Variants in CD163L1 observed in about 807,000 individuals in gnomAD.
CD163L1 encodes the protein CD163 molecule like 1.
Under a neutral mutation model 165.4 loss-of-function variants are expected in CD163L1, and 124 were observed. That is an observed-to-expected ratio of 0.75 (90% CI 0.65 to 0.87). The LOEUF is 0.87. CD163L1 is among the 40% of genes least tolerant of loss of function. The probability of loss-of-function intolerance (pLI) is 0.00; values close to 1 mark genes in which losing one functional copy is unlikely to be tolerated. For missense variants in CD163L1, 1,525 were observed against 1,799.9 expected (o/e 0.85, Z 2.76); for synonymous variants, 585 against 662.2 (o/e 0.88, Z 1.79).
chr12:7,439,072 A>T, intron 2 of CD163L1: 1 of 1,583,382 alleles, frequency 6.3e-7, no homozygotes. Context: ...TCTCAAAGCC[A>T]TGCTCCAGCC....
rs116397831 is a variant in CD163L1 at position 7,407,565 on chromosome 12, T to A, written c.767-713A>T. ...ACTTAGCAAAATTGACCACTACGTA[T>A]ATGTATCATATGTAGTGGTCAATTT... On this transcript the variant is annotated intron_variant, in intron 4 of 19. Coordinates refer to ENST00000313599, the MANE Select transcript of CD163L1 (RefSeq NM_174941.6). Among the ~76,000 whole-genome samples, 428 of 151,394 alleles carry A rather than the reference T, an allele frequency of 2.8e-3. 2 individuals carry two copies. The highest frequency in any genetic ancestry group is 9.8e-3 in the African/African-American group (407 of 41,340).
intron 4 of CD163L1, among the ~76,000 whole-genome samples, chr12:7,427,642 T>C (rs1249984457): frequency 6.6e-6 from 1 of 152,106 alleles, no homozygotes; most frequent in Non-Finnish European, 1.5e-5. Flanking sequence ...TACAGCTTTT[T>C]ACATGTCCAA....
intron 8 of CD163L1, among the ~76,000 whole-genome samples, chr12:7,391,683 C>G (rs1947656574): frequency 6.6e-6 from 1 of 152,092 alleles, no homozygotes; most frequent in African/African-American, 2.4e-5. Context: ...GGAGACCCAT[C>G]ACCTTCAGAG....
Position 7,373,449 on chromosome 12 carries a change from C to T in CD163L1, c.3601G>A (p.Gly1201Ser). 6.2e-7 allele frequency: 1 copy of T among 1,614,200 alleles called. No homozygotes were observed. The change falls in exon 14 of 20, where the codon GGC becomes AGC. Residue 1201 changes from glycine (G) to serine (S), a missense_variant. Gly to Ser is a moderately conservative substitution (Grantham distance 56). Coordinates refer to ENST00000313599, the MANE Select transcript of CD163L1 (RefSeq NM_174941.6). The part of the protein sequence containing the change: ...VVSLAPLSKT[G>S]SGFMWVDDIQ... ...TCATCCACCCACATGAAACCAGAGC[C>T]TGTCTTAGATAAAGGGGCGAGGCTG...
chr12:7,366,714 G>A (rs1947027902), intron 18 of CD163L1, among the ~76,000 whole-genome samples: 1 of 152,038 alleles, frequency 6.6e-6, no homozygotes, highest in African/African-American at 2.4e-5. Context: ...GCCAGATGGT[G>A]TTCATTGTAT....
intron 4 of CD163L1, among the ~76,000 whole-genome samples, chr12:7,430,014 C>T (rs751925375): frequency 6.6e-6 from 1 of 152,108 alleles, no homozygotes; most frequent in Non-Finnish European, 1.5e-5. Flanking sequence ...CCCTTGGAGG[C>T]CACCAAGTCC....
At chr12:7,433,786 T>C in intron 2 of CD163L1, 92 bp from the exon 3 acceptor site, 3 of 928,938 alleles carry the variant, frequency 3.2e-6, no homozygotes, top group Non-Finnish European at 4.8e-6. Flanking sequence ...ATCATTTAGT[T>C]TAAATGTTGT....
intron 4 of CD163L1, among the ~76,000 whole-genome samples, chr12:7,426,111 A>T (rs1477144810): frequency 6.6e-6 from 1 of 152,234 alleles, no homozygotes; most frequent in Non-Finnish European, 1.5e-5. Flanking sequence ...CTATGCAGCC[A>T]TAAAAAAGAA....
chr12:7,368,950 G>T lies in CD163L1; in HGVS notation c.4055C>A (p.Ser1352Ter). The change falls in exon 16 of 20, where the codon TCA becomes TAA. Residue 1352 changes from serine (S) to a stop codon, truncating the protein, a stop_gained. Coordinates refer to ENST00000313599, the MANE Select transcript of CD163L1 (RefSeq NM_174941.6). LOFTEE classifies it high-confidence loss of function. This position sits in a 1 kb window ranked among gnomAD's most constrained non-coding sequence, Gnocchi z 4.3. ...GACTATACCTGAGGAGGCATTCAGTGATTTCAGCGACTGTCCTGAGAGAGA... is the reference window on the plus strand; with the variant it reads ...GACTATACCTGAGGAGGCATTCAGTTATTTCAGCGACTGTCCTGAGAGAGA... ...GVRCSGQSLK[S>*]LNASSGHLAL... 1 of 1,613,518 alleles carries T rather than the reference G, an allele frequency of 6.2e-7. No homozygotes were observed. The highest frequency in any genetic ancestry group is 8.5e-7 in the Non-Finnish European group (1 of 1,179,852).
At chr12:7,319,584 C>G in the CD163L1 span, among the ~76,000 whole-genome samples, 13 of 144,934 alleles carry the variant, frequency 9.0e-5, no homozygotes, top group African/African-American at 3.3e-4. Flanking sequence ...AGCAAGACTC[C>G]GTCTCAAAAA....
intron 4 of CD163L1, among the ~76,000 whole-genome samples, chr12:7,428,590 C>T (rs1948582069): frequency 6.6e-6 from 1 of 152,050 alleles, no homozygotes; most frequent in Non-Finnish European, 1.5e-5. Context: ...AGCTTCTGGA[C>T]TAAAGCCCCG....
At chr12:7,324,863 A>G in the CD163L1 span, among the ~76,000 whole-genome samples, 1 of 152,048 alleles carries the variant, frequency 6.6e-6, no homozygotes, top group African/African-American at 2.4e-5. Context: ...TGGCTCATAT[A>G]AGTGACAAGT....
the CD163L1 span, among the ~76,000 whole-genome samples, chr12:7,326,503 C>T: frequency 6.6e-6 from 1 of 152,176 alleles, no homozygotes; most frequent in African/African-American, 2.4e-5. Context: ...AGCCACCATG[C>T]TCAGCCCTTT....
intron 8 of CD163L1, among the ~76,000 whole-genome samples, chr12:7,383,445 C>G (rs2136455901): frequency 6.6e-6 from 1 of 152,290 alleles, no homozygotes; most frequent in Admixed American, 6.5e-5. Flanking sequence ...AACTTTCCCA[C>G]CTGCCTAACT....
At chr12:7,421,429 G>A (rs1350538870) in intron 4 of CD163L1, among the ~76,000 whole-genome samples, 7 of 99,966 alleles carry the variant, frequency 7.0e-5, no homozygotes, top group Non-Finnish European at 1.1e-4. Flanking sequence ...ATACATATAT[G>A]TACATATATA....
In CD163L1 at chr12:7,403,744, T is replaced by A. The variant is rs1947958899; in HGVS notation, c.1199A>T (p.Asn400Ile). The change falls in exon 6 of 20, where the codon AAT becomes ATT. Residue 400 changes from asparagine to isoleucine, a missense_variant. Coordinates refer to ENST00000313599, the MANE Select transcript of CD163L1 (RefSeq NM_174941.6). ...WWTICDQNWK[N>I]EQALVVCKQL... ...CTTACAAACCACAAGGGCTTGTTCA[T>A]TCTTCCAGTTCTGGTCACATATTGT... 6.2e-7 allele frequency: 1 copy of A among 1,614,030 alleles called. No individual in the cohort carries two copies. The highest frequency in any genetic ancestry group is 1.3e-5 in the African/African-American group (1 of 75,032).
the CD163L1 span, among the ~76,000 whole-genome samples, chr12:7,332,417 C>T: frequency 1.3e-5 from 2 of 152,110 alleles, no homozygotes; most frequent in African/African-American, 2.4e-5. Flanking sequence ...CATTCAAATT[C>T]AGGAAATACA....
rs762208920 is a variant in CD163L1, at chr12:7,432,424, G to A, written c.758C>T (p.Thr253Ile). 1 of 1,610,476 alleles carries A rather than the reference G, an allele frequency of 6.2e-7. No homozygotes were observed. Among genetic ancestry groups the A allele is most frequent in the Non-Finnish European group, 8.5e-7 (1 of 1,177,348 alleles). The change falls in exon 4 of 20, where the codon ACT (threonine) becomes ATT (isoleucine). Residue 253 changes from threonine to isoleucine, a missense_variant. Transcript: ENST00000313599. This position sits in a 1 kb window ranked among gnomAD's most constrained non-coding sequence, Gnocchi z 4.2. ...DCSHNEDVTL[T>I]CYDSSDLELR... ...ATGTCTTGGGTTCTTACCATAACAAGTTAATGTGACATCCTCATTGTGACT... is the reference window on the plus strand; with the variant it reads ...ATGTCTTGGGTTCTTACCATAACAAATTAATGTGACATCCTCATTGTGACT...
At chr12:7,421,758 TATA>T (rs1948442662) in intron 4 of CD163L1, among the ~76,000 whole-genome samples, 5 of 132,318 alleles carry the variant, frequency 3.8e-5, no homozygotes, top group African/African-American at 1.6e-4. Context: ...TATATATATA[TATA>T]TATATATATT....
Sources: gnomAD v4.1 joint callset for allele counts (sites outside exome capture counted in the v4.1 genomes callset) on GRCh38, gnomAD v4.1.1 for gene constraint, Gnocchi (gnomAD v3.1) non-coding constraint, MANE v1.5 for transcripts, NCBI Gene and HGNC (gene_info 2026-07-23, HGNC 2026-07-21) for gene names.